FCRL3: variants seen among roughly 807,000 people sequenced by gnomAD.
FCRL3 encodes the protein Fc receptor-like protein 3.
In FCRL3, 89 loss-of-function variants were observed where a neutral mutation model predicts 75.0. That is an observed-to-expected ratio of 1.19 (90% CI 1.00 to 1.42). The LOEUF is 1.42. Among genes scored for constraint, FCRL3 ranks in the 40% most tolerant of loss-of-function variants. The pLI is 0.00. For synonymous variants in FCRL3, 376 were observed against 348.5 expected (o/e 1.08, Z -0.88); for missense variants, 946 against 880.0 (o/e 1.07, Z -0.95).
Position 157,696,095 on chromosome 1 carries a change from T to G in FCRL3, c.1077A>C (p.Ala359=). ...KESDAGRYYC[A]ADNVHSPILS... The stretch of plus-strand genomic sequence containing the variant: ...GGATGGGGCTGTGAACGTTATCAGC[T>G]GCACAGTAGTATCTCCCTGCATCAC... Residue 359 remains alanine (A), a synonymous_variant, in exon 7 of 15, where the codon GCA becomes GCC. Transcript: ENST00000368184. The G allele has an allele frequency of 1.2e-6, 2 of 1,613,726 alleles. No individual in the cohort carries two copies. Among genetic ancestry groups the G allele is most frequent in the Non-Finnish European group, 1.7e-6 (2 of 1,179,990 alleles).
chr1:157,689,252 T>G (rs896590538), intron 10 of FCRL3, among the ~76,000 whole-genome samples: 1 of 152,204 alleles, frequency 6.6e-6, no homozygotes, highest in East Asian at 1.9e-4. Flanking sequence ...ATCATCTATA[T>G]AGAACATCTG....
At position 157,698,636 on chromosome 1, in the gene FCRL3, A is replaced by G; in HGVS notation, c.53-7T>C. 6.2e-7 allele frequency: 1 copy of G among 1,613,770 alleles called. No homozygotes were observed. The highest frequency in any genetic ancestry group is 8.5e-7 in the Non-Finnish European group (1 of 1,179,678). On this transcript the variant is annotated splice_region_variant and splice_polypyrimidine_tract_variant and intron_variant, in intron 3 of 14. Transcript: ENST00000368184. Reference sequence around the variant, plus strand: ...ACAGCTTTTGGGGCCACCCCTAAACAGGAAATAGAAAGATGAAGGCAGGGG... The same window carrying G: ...ACAGCTTTTGGGGCCACCCCTAAACGGGAAATAGAAAGATGAAGGCAGGGG...
chr1:157,699,594 G>C, intron 3 of FCRL3, 98 bp downstream of exon 3: 2 of 1,288,222 alleles, frequency 1.6e-6, no homozygotes, highest in Non-Finnish European at 2.2e-6. Flanking sequence ...CATTAGCATT[G>C]CTGATGGGAT....
chr1:157,683,319 C>G (rs1455339657), intron 10 of FCRL3, 75 bp from the exon 11 acceptor site: 2 of 1,550,460 alleles, frequency 1.3e-6, no homozygotes, highest in African/African-American at 2.8e-5. Context: ...AACATTTTTT[C>G]CTAGAAATCA....
At chr1:157,685,974 A>G (rs1238080556) in intron 10 of FCRL3, among the ~76,000 whole-genome samples, 1 of 152,130 alleles carries the variant, frequency 6.6e-6, no homozygotes, top group East Asian at 1.9e-4. Flanking sequence ...TCCTAGCCAG[A>G]GCAACCAGGC....
chr1:157,676,818 G>A lies in FCRL3; in HGVS notation c.*1892C>T, dbSNP rs1339175161. ...AGAGATGACAGGTCCCTTAGAGAAA[G>A]TTCACTATAAGGCACAAAGGGGCTT... On this transcript the variant is annotated 3_prime_UTR_variant, in exon 15 of 15. Transcript: ENST00000368184. 3 of 1,548,356 alleles carry A rather than the reference G, an allele frequency of 1.9e-6. No homozygotes were observed. The highest frequency in any genetic ancestry group is 1.4e-5 in the African/African-American group (1 of 72,978).
chr1:157,683,379 C>A, intron 10 of FCRL3, 135 bp from the exon 11 acceptor site: 1 of 1,059,420 alleles, frequency 9.4e-7, no homozygotes, highest in Non-Finnish European at 1.4e-6. Context: ...TATCCAGCTC[C>A]ACCCTCCTTA....
intron 3 of FCRL3, among the ~76,000 whole-genome samples, 196 bp downstream of exon 3, chr1:157,699,496 T>C (rs1001884549): frequency 6.8e-6 from 1 of 147,158 alleles, no homozygotes; most frequent in African/African-American, 2.5e-5. Flanking sequence ...ACCGGTAATG[T>C]AGGGAGAAAA....
rs879258382 is a variant in FCRL3, at chr1:157,679,828, C to CAAAAAAAAAAAAAAAAAAA, written c.2027-856_2027-855insTTTTTTTTTTTTTTTTTTT. 4.3e-4 allele frequency among the ~76,000 whole-genome samples: 12 copies of CAAAAAAAAAAAAAAAAAAA among 27,920 alleles called. 5 individuals are homozygous for CAAAAAAAAAAAAAAAAAAA. Among genetic ancestry groups the CAAAAAAAAAAAAAAAAAAA allele is most frequent in the Non-Finnish European group, 9.0e-4 (10 of 11,050 alleles). The allele number at this position is 27,920 out of a possible 152,430, so 18.3% of individuals were successfully genotyped here. Reference sequence around the variant, plus strand: ...TGGGCGACAGAACGAGACCCCATCTCACAAAAAAAAAAAAAAAAAAAAAAA... The same window carrying CAAAAAAAAAAAAAAAAAAA: ...TGGGCGACAGAACGAGACCCCATCTCAAAAAAAAAAAAAAAAAAAACAAAAAAAAAAAAAAAAAAAAAAA... On this transcript the variant is annotated intron_variant, in intron 13 of 14. Coordinates refer to ENST00000368184, the MANE Select transcript of FCRL3 (RefSeq NM_052939.4).
chr1:157,695,260 T>C (rs1337024800), intron 8 of FCRL3, 69 bp downstream of exon 8: 2 of 1,476,502 alleles, frequency 1.4e-6, no homozygotes, highest in Non-Finnish European at 1.9e-6. Flanking sequence ...AATAGCCCAG[T>C]GGAGCTATTT....
Position 157,678,439 on chromosome 1 carries a change from C to T in FCRL3, c.*271G>A, listed in dbSNP as rs537307726. On this transcript the variant is annotated 3_prime_UTR_variant, in exon 15 of 15. Transcript: ENST00000368184. Reference sequence around the variant, plus strand: ...GACCATTTCTCTCTCCTCCTCTATTCGACAGCCCTAGGAGCTGAGGGCCCT... The same window carrying T: ...GACCATTTCTCTCTCCTCCTCTATTTGACAGCCCTAGGAGCTGAGGGCCCT... 1.6e-5 allele frequency: 21 copies of T among 1,298,468 alleles called. No homozygotes were observed. In the East Asian group the frequency reaches 2.3e-4, roughly 14 times the overall value. The allele number at this position is 1,298,468 out of a possible 1,614,324, so 80.4% of individuals were successfully genotyped here.
chr1:157,687,035 T>C (rs1195151528), intron 10 of FCRL3, among the ~76,000 whole-genome samples: 1 of 151,870 alleles, frequency 6.6e-6, no homozygotes, highest in East Asian at 1.9e-4. Flanking sequence ...TAGGAAACTA[T>C]GCATCTGACA....
chr1:157,698,286 T>G (rs1656088811), intron 4 of FCRL3, 98 bp downstream of exon 4: 2 of 1,433,280 alleles, frequency 1.4e-6, no homozygotes, highest in South Asian at 2.6e-5. Flanking sequence ...TCAATCCCCA[T>G]GTCTGCTTAC....
intron 13 of FCRL3, 146 bp downstream of exon 13, chr1:157,680,556 T>C: frequency 1.5e-6 from 1 of 647,414 alleles, no homozygotes. Context: ...TAAGAAGAAA[T>C]GGATAGATTC....
At position 157,697,670 on chromosome 1, in the gene FCRL3, A is replaced by T. The variant is rs773307054; in HGVS notation, c.548T>A (p.Ile183Asn). ...DIEVTSKPLN[I>N]QVQELFLHPV... The stretch of plus-strand genomic sequence containing the variant: ...AATCTAGCCATTACCTTGAACTTGG[A>T]TATTTAGGGGTTTTGAAGTTACTTC... Residue 183 changes from isoleucine to asparagine, a missense_variant, in exon 5 of 15, where the codon ATC (isoleucine) becomes AAC (asparagine). Physicochemically the swap from Ile to Asn is moderately radical, Grantham distance 149. Coordinates refer to ENST00000368184, the MANE Select transcript of FCRL3 (RefSeq NM_052939.4). 3 of 1,613,044 alleles carry T rather than the reference A, an allele frequency of 1.9e-6. No individual in the cohort carries two copies. Among genetic ancestry groups the T allele is most frequent in the Non-Finnish European group, 2.5e-6 (3 of 1,179,662 alleles).
chr1:157,677,300 G>T lies in FCRL3; in HGVS notation c.*1410C>A. On this transcript the variant is annotated 3_prime_UTR_variant, in exon 15 of 15. Transcript: ENST00000368184. ...CCTGTAGTGTATCTCCAGAAATGGT[G>T]ATTGTTTGAATGCATGTAAGACATT... 1.0e-6 allele frequency: 1 copy of T among 988,298 alleles called. No individual in the cohort carries two copies. The highest frequency in any genetic ancestry group is 1.7e-5 in the African/African-American group (1 of 57,382). 61.2% of individuals were successfully genotyped at this position (988,298 alleles called of 1,614,324 possible).
In FCRL3 at chr1:157,681,121, T is replaced by C. The variant is rs753367945; in HGVS notation, c.1839-22A>G. 1.2e-5 allele frequency: 18 copies of C among 1,477,230 alleles called. 1 individual carries two copies. The highest frequency in any genetic ancestry group is 2.8e-5 in the African/African-American group (2 of 70,504). The allele number at this position is 1,477,230 out of a possible 1,614,324, so 91.5% of individuals were successfully genotyped here. A position where few individuals can be genotyped will look rare whatever the true frequency, so the allele number is the denominator to read the frequency against. On this transcript the variant is annotated intron_variant, in intron 11 of 14. Coordinates refer to ENST00000368184, the MANE Select transcript of FCRL3 (RefSeq NM_052939.4). The stretch of plus-strand genomic sequence containing the variant: ...GTGACTGTGACAGAGGGGGAGAGAA[T>C]GGATTAAAAAGTATCTGTGGGTTAC...
chr1:157,688,710 G>A (rs12745906), intron 10 of FCRL3, among the ~76,000 whole-genome samples: 51,824 of 151,402 alleles, frequency 0.34, 9,691 homozygotes, highest in African/African-American at 0.5. Context: ...AGTGGTAACT[G>A]AGTAAGTATT....
chr1:157,677,580 G>A lies in FCRL3; in HGVS notation c.*1130C>T. ...TCATATTAAAAATTCAACACACTGT[G>A]GAAAGAGTTTTTGATGGTGATAGCT... is the stretch of plus-strand genomic sequence containing the variant. On this transcript the variant is annotated 3_prime_UTR_variant, in exon 15 of 15. Coordinates refer to ENST00000368184, the MANE Select transcript of FCRL3 (RefSeq NM_052939.4). 3 of 985,338 alleles carry A rather than the reference G, an allele frequency of 3.0e-6. No individual in the cohort carries two copies. Among genetic ancestry groups the A allele is most frequent in the Non-Finnish European group, 3.6e-6 (3 of 829,886 alleles). 61.0% of individuals were successfully genotyped at this position (985,338 alleles called of 1,614,324 possible).
Sources: allele counts gnomAD v4.1 joint callset (sites outside exome capture counted in the v4.1 genomes callset), GRCh38; gene constraint gnomAD v4.1.1; transcripts MANE v1.5; gene names NCBI Gene and HGNC (gene_info 2026-07-23, HGNC 2026-07-21).